Variants in BRINP2 observed in about 807,000 individuals in gnomAD.
The protein encoded by BRINP2 is BMP/retinoic acid-inducible neural-specific protein 2.
A neutral mutation model predicts 69.2 loss-of-function variants in BRINP2; 21 were observed. That is an observed-to-expected ratio of 0.30 (90% CI 0.22 to 0.44). The LOEUF (loss-of-function observed/expected upper bound fraction) is 0.44. Among genes scored for constraint, BRINP2 ranks in the 20% least tolerant of loss-of-function variants. The probability of loss-of-function intolerance (pLI) is 1.00; values close to 1 mark genes in which losing one functional copy is unlikely to be tolerated. For synonymous variants in BRINP2, 380 were observed against 394.1 expected, an observed-to-expected ratio of 0.96 and a Z score of 0.42; for missense variants, 877 against 986.0, an observed-to-expected ratio of 0.89 and a Z score of 1.48.
intron 2 of BRINP2, among the ~76,000 whole-genome samples, chr1:177,248,047 G>A (rs139800175): frequency 4.1e-4 from 63 of 152,154 alleles, no homozygotes; most frequent in Non-Finnish European, 7.4e-4. Context: ...GAAATGGGCC[G>A]GAACATGCTT....
At position 177,281,299 on chromosome 1, in the gene BRINP2, A is replaced by C; in HGVS notation, c.2123A>C (p.Tyr708Ser). 1 of 1,614,150 alleles carries C rather than the reference A, an allele frequency of 6.2e-7. No homozygotes were observed. Among genetic ancestry groups the C allele is most frequent in the Non-Finnish European group, 8.5e-7 (1 of 1,180,032 alleles). The change falls in exon 8 of 8, where the codon TAT (tyrosine) becomes TCT (serine). Residue 708 changes from tyrosine to serine, a missense_variant. Tyr to Ser is a moderately radical substitution (Grantham distance 144, BLOSUM62 -2). This residue lies in a region of BRINP2 where 225 missense variants were observed against 218.7 expected (regional missense o/e 1.03). Transcript: ENST00000361539. ...RDLILQLDYP[Y>S]TQGSQDSALL... ...TTAATTCTCCAGTTGGACTACCCAT[A>C]TACTCAAGGTTCCCAGGACTCTGCA...
Position 177,280,786 on chromosome 1 carries a change from G to T in BRINP2, c.1610G>T (p.Arg537Leu). 1 of 1,614,124 alleles carries T rather than the reference G, an allele frequency of 6.2e-7. No individual in the cohort carries two copies. The highest frequency in any genetic ancestry group is 1.1e-5 in the South Asian group (1 of 91,064). Residue 537 changes from arginine (R) to leucine (L), a missense_variant, in exon 8 of 8, where the codon CGG (arginine) becomes CTG (leucine). Transcript: ENST00000361539. Reference sequence around the variant, plus strand: ...TCCATCTTCATCAGCAATGACATGCGGCTGGGCAGCTGGTTTGACCCTTCC... The same window carrying T: ...TCCATCTTCATCAGCAATGACATGCTGCTGGGCAGCTGGTTTGACCCTTCC... The part of the protein sequence containing the change: ...VHSIFISNDM[R>L]LGSWFDPSWR...
chr1:177,262,141 G>T (rs1650973580), intron 4 of BRINP2, among the ~76,000 whole-genome samples: 2 of 152,186 alleles, frequency 1.3e-5, no homozygotes, highest in Admixed American at 1.3e-4. Context: ...TGATAACTGG[G>T]GAGCGATGTG....
Position 177,276,293 on chromosome 1 carries a change from A to C in BRINP2, c.871A>C (p.Lys291Gln). 6.2e-7 allele frequency: 1 copy of C among 1,614,230 alleles called. No homozygotes were observed. The highest frequency in any genetic ancestry group is 8.5e-7 in the Non-Finnish European group (1 of 1,180,046). The change falls in exon 6 of 8, where the codon AAG (lysine) becomes CAG (glutamine). Residue 291 changes from lysine (K) to glutamine (Q), a missense_variant. This residue lies in a region of BRINP2 where 566 missense variants were observed against 625.2 expected (regional missense o/e 0.91). Coordinates refer to ENST00000361539, the MANE Select transcript of BRINP2 (RefSeq NM_021165.4). ...CAGCTCTGAGGGTGAGCTCGTCTGC[A>C]AGGAGAATGACTGCTGGTGCAAGTG... ...TCSSEGELVCKENDCWCKCSP... is the reference protein window; with the variant it reads ...TCSSEGELVCQENDCWCKCSP...
At chr1:177,176,081 A>C (rs1470279612) in intron 1 of BRINP2, among the ~76,000 whole-genome samples, 1 of 152,238 alleles carries the variant, frequency 6.6e-6, no homozygotes, top group African/African-American at 2.4e-5. Context: ...TAGACAGAGA[A>C]GTAAAGTTGA....
chr1:177,272,114 T>G (rs1651346984), intron 4 of BRINP2, among the ~76,000 whole-genome samples: 1 of 152,212 alleles, frequency 6.6e-6, no homozygotes, highest in Non-Finnish European at 1.5e-5. Context: ...TCCTTTTCCT[T>G]GTAGTACATT....
chr1:177,208,840 A>C (rs1649135891), intron 1 of BRINP2, among the ~76,000 whole-genome samples: 1 of 152,236 alleles, frequency 6.6e-6, no homozygotes, highest in Non-Finnish European at 1.5e-5. Flanking sequence ...ACATATTTGA[A>C]CCCTGGCAAG....
intron 1 of BRINP2, among the ~76,000 whole-genome samples, chr1:177,207,314 C>T (rs529210980): frequency 1.3e-5 from 2 of 152,068 alleles, no homozygotes; most frequent in African/African-American, 4.8e-5. Context: ...AGATAGAAGG[C>T]AAACTTTGAG....
At chr1:177,244,463 T>C (rs1057231052) in intron 2 of BRINP2, among the ~76,000 whole-genome samples, 1 of 152,114 alleles carries the variant, frequency 6.6e-6, no homozygotes, top group African/African-American at 2.4e-5. Context: ...ATTCAGTAGT[T>C]TAAAAATAAT....
rs267598199 is a variant in BRINP2, at chr1:177,229,903, T to A, written c.27T>A (p.Phe9Leu). 6.2e-7 allele frequency: 1 copy of A among 1,604,018 alleles called. No homozygotes were observed. Among genetic ancestry groups the A allele is most frequent in the Non-Finnish European group, 8.5e-7 (1 of 1,173,844 alleles). The change falls in exon 2 of 8, where the codon TTT becomes TTA. Residue 9 changes from phenylalanine (F) to leucine (L), a missense_variant. By Grantham distance (22) the Phe-to-Leu change is conservative. Coordinates refer to ENST00000361539, the MANE Select transcript of BRINP2 (RefSeq NM_021165.4). ...TGAGGTGGCAGTGTGGCACTCGGTT[T>A]AGAGGGCTTCGGCCGGCGGTGGCCC... The part of the protein sequence containing the change: MRWQCGTR[F>L]RGLRPAVAPW...
intron 1 of BRINP2, among the ~76,000 whole-genome samples, chr1:177,176,491 T>TA (rs1648089940): frequency 6.7e-6 from 1 of 150,030 alleles, no homozygotes; most frequent in South Asian, 2.1e-4. Context: ...CTAGAAAAGT[T>TA]AAAATTATGT....
chr1:177,267,621 A>G (rs1320144592), intron 4 of BRINP2, among the ~76,000 whole-genome samples: 3 of 152,088 alleles, frequency 2.0e-5, no homozygotes, highest in Admixed American at 2.0e-4. Context: ...TTTTTCTTTC[A>G]GTATCATAGT....
chr1:177,207,166 C>T lies in BRINP2; in HGVS notation c.-76-22635C>T, dbSNP rs1388753001. Among the ~76,000 whole-genome samples the T allele has an allele frequency of 2.6e-5, 4 of 152,134 alleles. No homozygotes were observed. In the East Asian group the frequency reaches 7.7e-4, roughly 29 times the overall value. Reference sequence around the variant, plus strand: ...TTAAAAACTCCAGGTCTCTACCTCCCCTCCTTTTCTAAGTAAAGGGTTATT... The same window carrying T: ...TTAAAAACTCCAGGTCTCTACCTCCTCTCCTTTTCTAAGTAAAGGGTTATT... On this transcript the variant is annotated intron_variant, in intron 1 of 7. Transcript: ENST00000361539.
At chr1:177,273,266 T>C (rs1230608570) in intron 4 of BRINP2, among the ~76,000 whole-genome samples, 1 of 152,202 alleles carries the variant, frequency 6.6e-6, no homozygotes, top group Non-Finnish European at 1.5e-5. Context: ...AGGCTCTTAC[T>C]TATATATAAC....
At position 177,230,099 on chromosome 1, in the gene BRINP2, A is replaced by G. The variant is rs1352943230; in HGVS notation, c.223A>G (p.Met75Val). 2 of 1,613,268 alleles carry G rather than the reference A, an allele frequency of 1.2e-6. No homozygotes were observed. The highest frequency in any genetic ancestry group is 1.7e-5 in the Admixed American group (1 of 59,962). ...FHRAQEYADF[M>V]ERYRQGFTTR... The stretch of plus-strand genomic sequence containing the variant: ...CCGCGCTCAGGAGTATGCTGACTTC[A>G]TGGAGCGGTACCGCCAGGGTTTCAC... The change falls in exon 2 of 8, where the codon ATG becomes GTG. Residue 75 changes from methionine to valine, a missense_variant. This residue lies in a region of BRINP2 where 566 missense variants were observed against 625.2 expected (regional missense o/e 0.91). Coordinates refer to ENST00000361539, the MANE Select transcript of BRINP2 (RefSeq NM_021165.4).
chr1:177,199,208 G>T (rs890392277), intron 1 of BRINP2, among the ~76,000 whole-genome samples: 1 of 152,166 alleles, frequency 6.6e-6, no homozygotes, highest in African/African-American at 2.4e-5. Flanking sequence ...CATGATAATT[G>T]TCTTAGAGAG....
At chr1:177,219,316 C>T (rs1312207201) in intron 1 of BRINP2, among the ~76,000 whole-genome samples, 1 of 152,192 alleles carries the variant, frequency 6.6e-6, no homozygotes, top group Non-Finnish European at 1.5e-5. Flanking sequence ...TCCACTAATA[C>T]CAGTCAAAAG....
At chr1:177,229,776 GA>G in intron 1 of BRINP2, 24 bp from the exon 2 acceptor site, 1 of 1,475,544 alleles carries the variant, frequency 6.8e-7, no homozygotes. Flanking sequence ...GTGCTCAAAT[GA>G]CAATGCCTTT....
chr1:177,207,942 C>T (rs963896022), intron 1 of BRINP2, among the ~76,000 whole-genome samples: 1 of 152,162 alleles, frequency 6.6e-6, no homozygotes, highest in Non-Finnish European at 1.5e-5. Flanking sequence ...GAGTGGCCAG[C>T]AGTGCCAAAC....
Sources: allele counts gnomAD v4.1 joint callset (sites outside exome capture counted in the v4.1 genomes callset), GRCh38; gene constraint gnomAD v4.1.1; regional missense constraint gnomAD v4.1.1; transcripts MANE v1.5; gene names NCBI Gene and HGNC (gene_info 2026-07-23, HGNC 2026-07-21).